ING3: variants seen among roughly 807,000 people sequenced by gnomAD.
The protein encoded by ING3 is inhibitor of growth protein 3.
Under a neutral mutation model 64.8 loss-of-function variants are expected in ING3, and 6 were observed. The ratio of observed to expected loss-of-function variants is 0.09; its 90% confidence interval spans 0.05 to 0.18. The LOEUF is 0.18. Among genes scored for constraint, ING3 ranks in the 10% least tolerant of loss-of-function variants. The pLI is 1.00. For synonymous variants in ING3, 170 were observed against 173.7 expected (o/e 0.98, Z 0.17); for missense variants, 310 against 489.7 (o/e 0.63, Z 3.46).
chr7:120,960,365 A>T lies in ING3; in HGVS notation c.268-4377A>T, dbSNP rs376564084. Reference sequence around the variant, plus strand: ...TAAAGCGGTGGGAAGCCAGTGAAGGACTTTAAACAGAGGCGTGGAATATAG... The same window carrying T: ...TAAAGCGGTGGGAAGCCAGTGAAGGTCTTTAAACAGAGGCGTGGAATATAG... On this transcript the variant is annotated intron_variant, in intron 4 of 11. Transcript: ENST00000315870. Among the ~76,000 whole-genome samples the T allele has an allele frequency of 2.0e-5, 3 of 152,318 alleles. No homozygotes were observed. In the East Asian group the frequency reaches 5.8e-4, roughly 29 times the overall value.
Position 120,950,830 on chromosome 7 carries a change from T to C in ING3, c.-67T>C. The C allele has an allele frequency of 2.2e-6, 3 of 1,375,110 alleles. No homozygotes were observed. The highest frequency in any genetic ancestry group is 2.9e-6 in the Non-Finnish European group (3 of 1,023,886). 85.2% of individuals were successfully genotyped at this position (1,375,110 alleles called of 1,614,324 possible). Reference sequence around the variant, plus strand: ...GGCGCCATATTGGAGGGGACAAAACTCCGGCGACAGCGAGTGACACAAATA... The same window carrying C: ...GGCGCCATATTGGAGGGGACAAAACCCCGGCGACAGCGAGTGACACAAATA... On this transcript the variant is annotated 5_prime_UTR_variant, in exon 1 of 12. Transcript: ENST00000315870.
intron 4 of ING3, 134 bp downstream of exon 4, chr7:120,955,758 G>T: frequency 1.6e-6 from 1 of 641,586 alleles, no homozygotes; most frequent in South Asian, 2.0e-5. Context: ...CATCTAATTT[G>T]ACATTTCAGT....
Position 120,951,151 on chromosome 7 carries a change from C to CT in ING3, c.29-12dup, listed in dbSNP as rs1562971161. On this transcript the variant is annotated splice_polypyrimidine_tract_variant and intron_variant, in intron 1 of 11. Transcript: ENST00000315870. Reference sequence around the variant, plus strand: ...GTTGGCCCCGCCCCTCTGACGGACTCTCCCTTTGACAGTGATTGAGCAGCT... The same window carrying CT: ...GTTGGCCCCGCCCCTCTGACGGACTCTTCCCTTTGACAGTGATTGAGCAGCT... 3 of 1,613,962 alleles carry CT rather than the reference C, an allele frequency of 1.9e-6. No homozygotes were observed. Among genetic ancestry groups the CT allele is most frequent in the Admixed American group, 1.7e-5 (1 of 60,022 alleles).
In ING3 at chr7:120,975,317, A is replaced by G. The variant is rs1254720071; in HGVS notation, c.*473A>G. ...TCAGTGCTTCTAAAAAGAATTTAAG[A>G]TAATGGTTTTTAAAATGCCTTTATA... On this transcript the variant is annotated 3_prime_UTR_variant, in exon 12 of 12. Transcript: ENST00000315870. The G allele has an allele frequency of 1.3e-5, 2 of 152,028 alleles. No homozygotes were observed. Among genetic ancestry groups the G allele is most frequent in the African/African-American group, 4.8e-5 (2 of 41,404 alleles). 9.4% of individuals were successfully genotyped at this position (152,028 alleles called of 1,614,324 possible).
At chr7:120,965,951 A>G (rs1431997857) in intron 5 of ING3, among the ~76,000 whole-genome samples, 1 of 152,208 alleles carries the variant, frequency 6.6e-6, no homozygotes, top group Admixed American at 6.5e-5. Flanking sequence ...TCAGTACTGC[A>G]GGAAGGTTAA....
intron 4 of ING3, chr7:120,956,335 C>T: frequency 7.2e-7 from 1 of 1,395,054 alleles, no homozygotes; most frequent in Non-Finnish European, 9.3e-7. Context: ...AAAACACATG[C>T]TCACTTTTGG....
Position 120,968,102 on chromosome 7 carries a change from A to G in ING3, c.714+11A>G. The G allele has an allele frequency of 1.2e-6, 2 of 1,611,734 alleles. No homozygotes were observed. The highest frequency in any genetic ancestry group is 1.7e-6 in the Non-Finnish European group (2 of 1,178,970). The stretch of plus-strand genomic sequence containing the variant: ...CAGGCTACAGCTCAGGTAAAAAGTA[A>G]AGGGTTTAGAGACAAAATGTTACAT... On this transcript the variant is annotated intron_variant, in intron 8 of 11. Coordinates refer to ENST00000315870, the MANE Select transcript of ING3 (RefSeq NM_019071.3).
chr7:120,951,300 AC>A, intron 2 of ING3, 65 bp downstream of exon 2: 1 of 1,454,434 alleles, frequency 6.9e-7, no homozygotes, highest in Non-Finnish European at 9.7e-7. Context: ...GCTTGTCATC[AC>A]TGCTAGCGCC....
chr7:120,966,421 C>T (rs1795997738), intron 5 of ING3, among the ~76,000 whole-genome samples: 1 of 152,124 alleles, frequency 6.6e-6, no homozygotes. Flanking sequence ...AAAAGGATAA[C>T]TTATTGTTTA....
At chr7:120,956,827 T>C (rs868514872) in intron 4 of ING3, 2 of 969,874 alleles carry the variant, frequency 2.1e-6, no homozygotes, top group African/African-American at 3.5e-5. Context: ...TCAGTCCTTA[T>C]TTAGAGACTG....
At chr7:120,954,270 AC>A (rs969365288) in intron 3 of ING3, among the ~76,000 whole-genome samples, 30 of 152,164 alleles carry the variant, frequency 2.0e-4, no homozygotes, top group African/African-American at 6.7e-4. Context: ...TACTAAAAAT[AC>A]AAAAATTAGC....
intron 4 of ING3, among the ~76,000 whole-genome samples, chr7:120,960,627 C>T (rs897232990): frequency 5.9e-5 from 9 of 152,090 alleles, no homozygotes; most frequent in Non-Finnish European, 1.2e-4. Flanking sequence ...ACCATCACTG[C>T]ACTGGTCACC....
Position 120,973,238 on chromosome 7 carries a change from C to G in ING3, c.1135C>G (p.Gln379Glu). Residue 379 changes from glutamine (Q) to glutamate (E), a missense_variant, in exon 11 of 12, where the codon CAA becomes GAA. Physicochemically the swap from Gln to Glu is conservative, Grantham distance 29 (BLOSUM62 2). This residue lies in a region of ING3 where 24 missense variants were observed against 84.1 expected (regional missense o/e 0.29). Coordinates refer to ENST00000315870, the MANE Select transcript of ING3 (RefSeq NM_019071.3). Reference protein sequence around the residue: ...SYGEMVGCDNQDCPIEWFHYG... With the variant: ...SYGEMVGCDNEDCPIEWFHYG... Reference sequence around the variant, plus strand: ...TGGTGAGATGGTGGGATGTGATAACCAAGATGTAAGTATTACATTTTTCTA... The same window carrying G: ...TGGTGAGATGGTGGGATGTGATAACGAAGATGTAAGTATTACATTTTTCTA... 6.5e-7 allele frequency: 1 copy of G among 1,531,124 alleles called. No individual in the cohort carries two copies. Among genetic ancestry groups the G allele is most frequent in the South Asian group, 1.1e-5 (1 of 87,584 alleles). 94.8% of individuals were successfully genotyped at this position (1,531,124 alleles called of 1,614,324 possible).
chr7:120,973,991 A>T (rs1199975760), intron 11 of ING3, among the ~76,000 whole-genome samples: 2 of 152,172 alleles, frequency 1.3e-5, no homozygotes, highest in Non-Finnish European at 2.9e-5. Context: ...GCTCACGTAG[A>T]TTGGGACAGA....
chr7:120,966,821 T>C, intron 6 of ING3, 124 bp downstream of exon 6: 3 of 722,546 alleles, frequency 4.2e-6, no homozygotes, highest in East Asian at 2.6e-5. Flanking sequence ...TTTTTTTCAT[T>C]GCAAGTACTG....
At chr7:120,955,343 G>T (rs1313938474) in intron 3 of ING3, among the ~76,000 whole-genome samples, 1 of 152,082 alleles carries the variant, frequency 6.6e-6, no homozygotes, top group Non-Finnish European at 1.5e-5. Context: ...TGGCCAGGCT[G>T]GTCCCAAACT....
At chr7:120,968,807 C>CT (rs1295786884) in intron 8 of ING3, among the ~76,000 whole-genome samples, 1 of 130,628 alleles carries the variant, frequency 7.7e-6, no homozygotes, top group African/African-American at 3.0e-5. Context: ...AATCGTGCCA[C>CT]TAGACTCCAG....
rs1796125353 is a variant in ING3 at position 120,975,611 on chromosome 7, A to C, written c.*767A>C. 1 of 152,198 alleles carries C rather than the reference A, an allele frequency of 6.6e-6. No individual in the cohort carries two copies. The highest frequency in any genetic ancestry group is 2.1e-4 in the South Asian group (1 of 4,834). The allele number at this position is 152,198 out of a possible 1,614,324, so 9.4% of individuals were successfully genotyped here. A position where few individuals can be genotyped will look rare whatever the true frequency, so the allele number is the denominator to read the frequency against. ...TTATTTTTTTGTGCAAGTAATCCTTAAAATTGCAATTGTATTAGGTGTTAA... is the reference window on the plus strand; with the variant it reads ...TTATTTTTTTGTGCAAGTAATCCTTCAAATTGCAATTGTATTAGGTGTTAA... On this transcript the variant is annotated 3_prime_UTR_variant, in exon 12 of 12. Transcript: ENST00000315870.
chr7:120,974,893 A>T lies in ING3; in HGVS notation c.*49A>T. ...GAAATAAACTTCAGCTGAAGATTTT[A>T]TATAGGACTTTAAAAAGAAGAGAAG... is the stretch of plus-strand genomic sequence containing the variant. On this transcript the variant is annotated 3_prime_UTR_variant, in exon 12 of 12. Transcript: ENST00000315870. 1 of 1,264,478 alleles carries T rather than the reference A, an allele frequency of 7.9e-7. No individual in the cohort carries two copies. The highest frequency in any genetic ancestry group is 1.1e-6 in the Non-Finnish European group (1 of 888,446). 78.3% of individuals were successfully genotyped at this position (1,264,478 alleles called of 1,614,324 possible).
Sources: gnomAD v4.1 joint callset for allele counts (sites outside exome capture counted in the v4.1 genomes callset) on GRCh38, gnomAD v4.1.1 for gene constraint, gnomAD v4.1.1 regional missense constraint, MANE v1.5 for transcripts, NCBI Gene and HGNC (gene_info 2026-07-23, HGNC 2026-07-21) for gene names.